The following ADGRG6 variants were observed in gnomAD, a reference collection of about 807,000 sequenced individuals.
ADGRG6 encodes the protein adhesion G protein-coupled receptor G6.
In ADGRG6, 84 loss-of-function variants were observed where a neutral mutation model predicts 142.4. The ratio of observed to expected loss-of-function variants is 0.59; its 90% CI spans 0.49 to 0.71. The LOEUF is 0.71. ADGRG6 is among the 30% of genes least tolerant of loss of function. The pLI, the probability that ADGRG6 is intolerant of heterozygous loss-of-function variation, is 0.00. For synonymous variants in ADGRG6, 521 were observed against 520.5 expected, an observed-to-expected ratio of 1.00 and a Z score of -0.01; for missense variants, 1,367 against 1,466.6, an observed-to-expected ratio of 0.93 and a Z score of 1.11.
intron 4 of ADGRG6, among the ~76,000 whole-genome samples, chr6:142,377,411 C>T (rs1411933736): frequency 6.6e-6 from 1 of 152,186 alleles, no homozygotes; most frequent in Admixed American, 6.5e-5. Flanking sequence ...TCCCACAAGT[C>T]GGGCTCCAGT....
chr6:142,338,108 C>G (rs1001600810), intron 2 of ADGRG6, among the ~76,000 whole-genome samples: 10 of 133,892 alleles, frequency 7.5e-5, no homozygotes, highest in Non-Finnish European at 1.4e-4. Context: ...GCAAGCTCTG[C>G]CTCCCGGGTT....
Position 142,417,273 on chromosome 6 carries a change from GT to G in ADGRG6, c.2942del (p.Leu981CysfsTer4). On this transcript the variant is annotated frameshift_variant and splice_region_variant, in exon 21 of 25. Coordinates refer to ENST00000367609, the MANE Select transcript of ADGRG6 (RefSeq NM_198569.3). LOFTEE classifies it high-confidence loss of function. The part of the protein sequence containing the change: ...YILKFCIIGW[G>X]LPALVVSVVL... ...TTGTGTCATGGTGTTTTTGTAACAG[GT>G]TTGCCTGCCTTAGTGGTGTCAGTTG... The G allele has an allele frequency of 6.4e-7, 1 of 1,564,448 alleles. No individual in the cohort carries two copies. Among genetic ancestry groups the G allele is most frequent in the Non-Finnish European group, 8.8e-7 (1 of 1,136,968 alleles).
At chr6:142,414,922 C>G in intron 18 of ADGRG6, 47 bp from the exon 19 acceptor site, 9 of 1,549,764 alleles carry the variant, frequency 5.8e-6, no homozygotes, top group Non-Finnish European at 7.0e-6. Flanking sequence ...GAGAACCATT[C>G]TCATGAGAAG....
rs907088957 is a variant in ADGRG6, at chr6:142,445,741, A to G, written c.*2226A>G. 2 of 152,174 alleles carry G rather than the reference A, an allele frequency of 1.3e-5. No individual in the cohort carries two copies. The highest frequency in any genetic ancestry group is 2.4e-5 in the African/African-American group (1 of 41,470). 9.4% of individuals were successfully genotyped at this position (152,174 alleles called of 1,614,324 possible). A position where few individuals can be genotyped will look rare whatever the true frequency, so the allele number is the denominator to read the frequency against. On this transcript the variant is annotated 3_prime_UTR_variant, in exon 25 of 25. Coordinates refer to ENST00000367609, the MANE Select transcript of ADGRG6 (RefSeq NM_198569.3). ...AGTTCTCACCTCCATTTAGTCCCCC[A>G]TCAGAACAGAGGTCAGGAATTTAGC...
At chr6:142,390,030 A>T (rs991032171) in intron 6 of ADGRG6, among the ~76,000 whole-genome samples, 5 of 151,880 alleles carry the variant, frequency 3.3e-5, no homozygotes, top group Admixed American at 6.6e-5. Flanking sequence ...AAGCTAATTG[A>T]TAACTATTTC....
chr6:142,345,605 C>G (rs1562326839), intron 2 of ADGRG6, among the ~76,000 whole-genome samples: 1 of 152,104 alleles, frequency 6.6e-6, no homozygotes, highest in Non-Finnish European at 1.5e-5. Context: ...TAGGTTCCTT[C>G]TCCCCCTAAC....
intron 2 of ADGRG6, among the ~76,000 whole-genome samples, chr6:142,349,913 A>G (rs1389545641): frequency 1.3e-5 from 2 of 152,194 alleles, no homozygotes; most frequent in East Asian, 1.9e-4. Flanking sequence ...TGGTTCCTCA[A>G]AATCCTTTGA....
chr6:142,302,464 C>A, intron 1 of ADGRG6, 133 bp downstream of exon 1: 2 of 941,424 alleles, frequency 2.1e-6, no homozygotes, highest in Admixed American at 2.6e-5. Context: ...AGGGAATAAA[C>A]CGGTTTGTCT....
intron 16 of ADGRG6, among the ~76,000 whole-genome samples, chr6:142,409,474 G>C (rs1319012261): frequency 1.3e-5 from 2 of 152,112 alleles, no homozygotes; most frequent in Non-Finnish European, 2.9e-5. Context: ...GTGAGCATGA[G>C]TCTACAGATA....
At chr6:142,402,995 A>G (rs576479099) in intron 13 of ADGRG6, among the ~76,000 whole-genome samples, 165 bp downstream of exon 13, 44 of 151,952 alleles carry the variant, frequency 2.9e-4, no homozygotes, top group African/African-American at 1.0e-3. Context: ...CATGAACTTA[A>G]AAGTTCTGTG....
chr6:142,307,218 GT>G (rs1237029152), intron 1 of ADGRG6, among the ~76,000 whole-genome samples: 1 of 152,116 alleles, frequency 6.6e-6, no homozygotes, highest in Non-Finnish European at 1.5e-5. Context: ...AAAGATAATT[GT>G]CGTATGTCAA....
chr6:142,392,461 T>TA (rs963655961), intron 7 of ADGRG6, among the ~76,000 whole-genome samples: 2 of 151,976 alleles, frequency 1.3e-5, no homozygotes, highest in African/African-American at 4.8e-5. Flanking sequence ...TTCTTATTAC[T>TA]AATATTGTGA....
At chr6:142,302,401 C>G in intron 1 of ADGRG6, 70 bp downstream of exon 1, 1 of 1,482,054 alleles carries the variant, frequency 6.7e-7, no homozygotes, top group Non-Finnish European at 9.3e-7. Context: ...CGCCCCCTCC[C>G]CGACCACCCC....
At chr6:142,319,518 CA>C (rs1331255178) in intron 2 of ADGRG6, among the ~76,000 whole-genome samples, 1 of 152,086 alleles carries the variant, frequency 6.6e-6, no homozygotes, top group African/African-American at 2.4e-5. Context: ...TCATATTCTT[CA>C]AATTGTTCCT....
At chr6:142,307,135 A>G (rs1226786745) in intron 1 of ADGRG6, among the ~76,000 whole-genome samples, 1 of 152,190 alleles carries the variant, frequency 6.6e-6, no homozygotes, top group Non-Finnish European at 1.5e-5. Context: ...GGCCAAACTA[A>G]TGAGCAGGAA....
intron 22 of ADGRG6, among the ~76,000 whole-genome samples, chr6:142,429,705 A>C (rs755070299): frequency 5.3e-5 from 8 of 152,136 alleles, no homozygotes; most frequent in Non-Finnish European, 8.8e-5. Flanking sequence ...GTGTGTGGCC[A>C]CTTCTTCTCA....
chr6:142,373,564 G>A (rs1022987562), intron 4 of ADGRG6, among the ~76,000 whole-genome samples: 1 of 152,184 alleles, frequency 6.6e-6, no homozygotes, highest in Non-Finnish European at 1.5e-5. Flanking sequence ...TTAGAGACGG[G>A]GTTTCACTCT....
intron 2 of ADGRG6, among the ~76,000 whole-genome samples, chr6:142,342,911 C>G (rs1321509429): frequency 6.6e-6 from 1 of 151,572 alleles, no homozygotes; most frequent in African/African-American, 2.4e-5. Context: ...ATTTTGACCT[C>G]TGATTTACTC....
Position 142,370,420 on chromosome 6 carries a change from G to T in ADGRG6, c.696G>T (p.Leu232Phe), listed in dbSNP as rs536355947. Residue 232 changes from leucine (L) to phenylalanine (F), a missense_variant, in exon 4 of 25, where the codon TTG (leucine) becomes TTT (phenylalanine). Transcript: ENST00000367609. ...YFLSISDSKC[L>F]LNNALPVKEK... ...TATCCATTTCTGATTCAAAATGTTT[G>T]TTGAATAATGCATTACCTGTCAAAG... The T allele has an allele frequency of 6.2e-7, 1 of 1,613,492 alleles. No homozygotes were observed.
Sources: gnomAD v4.1 joint callset for allele counts (sites outside exome capture counted in the v4.1 genomes callset) on GRCh38, gnomAD v4.1.1 for gene constraint, MANE v1.5 for transcripts, NCBI Gene and HGNC (gene_info 2026-07-23, HGNC 2026-07-21) for gene names.